The following MEI4 variants were observed in gnomAD, a reference collection of about 807,000 sequenced individuals.
The protein encoded by MEI4 is meiotic double-stranded break formation protein 4, also known as meiosis-specific protein MEI4.
A neutral mutation model predicts 31.4 loss-of-function variants in MEI4; 27 were observed. The ratio of observed to expected loss-of-function variants is 0.86; its 90% CI spans 0.63 to 1.19. The LOEUF (loss-of-function observed/expected upper bound fraction) is 1.19, where lower values mean the gene tolerates loss of function less well. MEI4 is among the 50% of genes most tolerant of loss of function. The pLI is 0.00. For synonymous variants in MEI4, 122 were observed against 145.4 expected (o/e 0.84, Z 1.16); for missense variants, 329 against 398.9 (o/e 0.82, Z 1.49).
At chr6:77,767,526 C>A (rs1336297272) in intron 3 of MEI4, among the ~76,000 whole-genome samples, 1 of 152,146 alleles carries the variant, frequency 6.6e-6, no homozygotes, top group African/African-American at 2.4e-5. Flanking sequence ...GAGACCCTGT[C>A]TCTACAAAAA....
intron 4 of MEI4, among the ~76,000 whole-genome samples, chr6:77,898,918 T>C (rs561194271): frequency 6.6e-6 from 1 of 152,034 alleles, no homozygotes; most frequent in African/African-American, 2.4e-5. Flanking sequence ...GTCTCAAGGT[T>C]TCAATTTTAA....
At position 77,828,961 on chromosome 6, in the gene MEI4, C is replaced by G. The variant is rs1770018194; in HGVS notation, c.799C>G (p.Leu267Val). 1.4e-5 allele frequency: 17 copies of G among 1,232,234 alleles called. No homozygotes were observed. Among genetic ancestry groups the G allele is most frequent in the Non-Finnish European group, 1.7e-5 (17 of 987,892 alleles). 76.3% of individuals were successfully genotyped at this position (1,232,234 alleles called of 1,614,324 possible). A position where few individuals can be genotyped will look rare whatever the true frequency, so the allele number is the denominator to read the frequency against. The stretch of plus-strand genomic sequence containing the variant: ...GGTGCAGCATTATGTCTCTCAGAGT[C>G]TGGTTACCTTGGGAAATTGCAGCTT... ...FQVQHYVSQS[L>V]VTLGNCSLLR... The change falls in exon 4 of 5, where the codon CTG becomes GTG. Residue 267 changes from leucine to valine, a missense_variant. Physicochemically the swap from Leu to Val is conservative, Grantham distance 32. Transcript: ENST00000684080.
chr6:77,919,550 A>T (rs1214296221), intron 4 of MEI4, among the ~76,000 whole-genome samples: 2 of 152,074 alleles, frequency 1.3e-5, no homozygotes, highest in Admixed American at 6.6e-5. Flanking sequence ...AAAGCAGGAA[A>T]GATCCAAAAT....
chr6:77,710,372 A>AT (rs1013437364), intron 2 of MEI4, among the ~76,000 whole-genome samples: 4 of 152,014 alleles, frequency 2.6e-5, no homozygotes, highest in African/African-American at 9.7e-5. Context: ...GAATACAAAA[A>AT]TTAGCTGGGT....
At chr6:77,922,807 C>CAAGTATTCTCAGATTCAT (rs1766736005) in intron 4 of MEI4, among the ~76,000 whole-genome samples, 1 of 151,638 alleles carries the variant, frequency 6.6e-6, no homozygotes, top group Non-Finnish European at 1.5e-5. Context: ...GACCCCTTGC[C>CAAGTATTCTCAGATTCAT]AAGTATTCTC....
chr6:77,882,661 A>G (rs1038101059), intron 4 of MEI4, among the ~76,000 whole-genome samples: 5 of 152,174 alleles, frequency 3.3e-5, no homozygotes, highest in Non-Finnish European at 7.3e-5. Context: ...TTTCCTGCGC[A>G]GACTACTTTG....
At chr6:77,755,695 A>G (rs1364859793) in intron 2 of MEI4, among the ~76,000 whole-genome samples, 1 of 151,862 alleles carries the variant, frequency 6.6e-6, no homozygotes, top group Non-Finnish European at 1.5e-5. Context: ...GGTGTTTATT[A>G]TAATGTTTAA....
intron 3 of MEI4, among the ~76,000 whole-genome samples, chr6:77,801,397 G>A (rs1769253412): frequency 6.6e-6 from 1 of 151,888 alleles, no homozygotes; most frequent in African/African-American, 2.4e-5. Flanking sequence ...TTTTAGTCTT[G>A]CTAGCAGTCT....
intron 2 of MEI4, among the ~76,000 whole-genome samples, chr6:77,697,689 A>G (rs1238213136): frequency 1.3e-5 from 2 of 152,134 alleles, no homozygotes; most frequent in Admixed American, 6.5e-5. Context: ...ACTTCCAACT[A>G]TGTGGTCAAT....
intron 4 of MEI4, among the ~76,000 whole-genome samples, chr6:77,902,279 T>C (rs1482078838): frequency 1.3e-5 from 2 of 152,166 alleles, no homozygotes; most frequent in African/African-American, 2.4e-5. Flanking sequence ...TTGTATTGAA[T>C]CTGTATATTA....
intron 3 of MEI4, among the ~76,000 whole-genome samples, chr6:77,775,718 T>A (rs149905326): frequency 2.4e-4 from 37 of 152,290 alleles, no homozygotes; most frequent in African/African-American, 8.4e-4. Context: ...TAACCAGTAG[T>A]AGGATTGCTG....
At chr6:77,899,663 T>TA (rs1314206802) in intron 4 of MEI4, among the ~76,000 whole-genome samples, 1 of 152,112 alleles carries the variant, frequency 6.6e-6, no homozygotes. Flanking sequence ...TGCTAGTATG[T>TA]AAAAATTACT....
chr6:77,793,231 A>G (rs1247547394), intron 3 of MEI4, among the ~76,000 whole-genome samples: 1 of 152,198 alleles, frequency 6.6e-6, no homozygotes, highest in Non-Finnish European at 1.5e-5. Flanking sequence ...ACAAGCCACA[A>G]AGGAGGAGGA....
chr6:77,879,490 C>G (rs920480574), intron 4 of MEI4, among the ~76,000 whole-genome samples: 59 of 152,268 alleles, frequency 3.9e-4, no homozygotes, highest in African/African-American at 1.4e-3. Flanking sequence ...TTTAAATGCT[C>G]TGTGAGACTA....
chr6:77,906,732 C>A (rs942547097), intron 4 of MEI4, among the ~76,000 whole-genome samples: 2 of 152,062 alleles, frequency 1.3e-5, no homozygotes, highest in African/African-American at 2.4e-5. Context: ...GAGTCTGGGG[C>A]AGTAATGGCA....
chr6:77,748,011 C>G (rs910431222), intron 2 of MEI4, among the ~76,000 whole-genome samples: 1 of 152,214 alleles, frequency 6.6e-6, no homozygotes, highest in Non-Finnish European at 1.5e-5. Context: ...TCCTTTGACA[C>G]CATGTCTCGC....
At chr6:77,726,569 A>G (rs1007368210) in intron 2 of MEI4, among the ~76,000 whole-genome samples, 2 of 152,214 alleles carry the variant, frequency 1.3e-5, no homozygotes, top group African/African-American at 2.4e-5. Flanking sequence ...TAGTATGTCC[A>G]GGGCACAAAA....
intron 2 of MEI4, among the ~76,000 whole-genome samples, chr6:77,736,146 C>T (rs180718840): frequency 3.9e-5 from 6 of 152,188 alleles, no homozygotes; most frequent in Admixed American, 3.9e-4. Context: ...CTCCTTTGAG[C>T]TGTTGTGGGC....
At chr6:77,757,751 A>G (rs936574364) in intron 2 of MEI4, among the ~76,000 whole-genome samples, 12 of 152,236 alleles carry the variant, frequency 7.9e-5, no homozygotes, top group Non-Finnish European at 1.8e-4. Context: ...ATAATTTTCT[A>G]GATTAGTGTA....
Sources: allele counts gnomAD v4.1 joint callset (sites outside exome capture counted in the v4.1 genomes callset), GRCh38; gene constraint gnomAD v4.1.1; transcripts MANE v1.5; gene names NCBI Gene and HGNC (gene_info 2026-07-23, HGNC 2026-07-21).